The following HRH1 variants were observed in gnomAD, a reference collection of about 807,000 sequenced individuals.
HRH1 encodes histamine H1 receptor.
Under a neutral mutation model 10.3 loss-of-function variants are expected in HRH1, and 6 were observed. The observed-to-expected ratio is 0.58, with a 90% CI of 0.32 to 1.15. HRH1 has a LOEUF of 1.15. Among genes scored for constraint, HRH1 ranks in the 50% most tolerant of loss-of-function variants. HRH1 has a pLI of 0.05. For synonymous variants in HRH1, 242 were observed against 236.7 expected (o/e 1.02, Z -0.21); for missense variants, 514 against 615.3 (o/e 0.84, Z 1.74).
intron 1 of HRH1, among the ~76,000 whole-genome samples, chr3:11,250,890 T>G (rs1046243954): frequency 6.6e-6 from 1 of 152,180 alleles, no homozygotes; most frequent in African/African-American, 2.4e-5. Context: ...CTGCAACTTG[T>G]CTAGCAAGGG....
intron 1 of HRH1, among the ~76,000 whole-genome samples, chr3:11,190,859 T>C (rs1937521095): frequency 6.6e-6 from 1 of 152,080 alleles, no homozygotes; most frequent in Non-Finnish European, 1.5e-5. Flanking sequence ...TCCTGGCCTC[T>C]AAGTGAGACA....
intron 1 of HRH1, among the ~76,000 whole-genome samples, chr3:11,169,885 C>T (rs562470131): frequency 6.6e-6 from 1 of 152,120 alleles, no homozygotes; most frequent in Non-Finnish European, 1.5e-5. Flanking sequence ...CCCTTTTTGA[C>T]ACCTCATCCT....
chr3:11,203,624 G>A (rs751857544), intron 1 of HRH1, among the ~76,000 whole-genome samples: 20 of 152,176 alleles, frequency 1.3e-4, no homozygotes, highest in Non-Finnish European at 2.4e-4. Flanking sequence ...TTTCTCCATT[G>A]TATTGACTTT....
chr3:11,138,702 G>A (rs925289875), intron 1 of HRH1, among the ~76,000 whole-genome samples: 1 of 132,050 alleles, frequency 7.6e-6, no homozygotes, highest in Non-Finnish European at 1.5e-5. Context: ...GTTCATAGCT[G>A]AATTTTTTTT....
At chr3:11,186,241 A>G (rs561405864) in intron 1 of HRH1, among the ~76,000 whole-genome samples, 67 of 152,246 alleles carry the variant, frequency 4.4e-4, no homozygotes, top group African/African-American at 1.5e-3. Context: ...CCTGACCTCT[A>G]GATGTATTGA....
At chr3:11,169,325 C>T (rs531057046) in intron 1 of HRH1, among the ~76,000 whole-genome samples, 19 of 152,286 alleles carry the variant, frequency 1.2e-4, no homozygotes, top group Admixed American at 5.9e-4. Flanking sequence ...GCCTGTGTCT[C>T]GGGCTCCTGC....
intron 1 of HRH1, among the ~76,000 whole-genome samples, chr3:11,176,181 A>AAAAAG (rs796312202): frequency 4.6e-5 from 7 of 151,816 alleles, no homozygotes; most frequent in African/African-American, 1.7e-4. Flanking sequence ...AAAAAAAAAA[A>AAAAAG]AGAGAGAAAT....
intron 1 of HRH1, among the ~76,000 whole-genome samples, chr3:11,172,233 C>A (rs1325405478): frequency 6.6e-6 from 1 of 152,228 alleles, no homozygotes; most frequent in Admixed American, 6.5e-5. Flanking sequence ...ACTCTGCCAG[C>A]GGTGAGGGAG....
At chr3:11,168,731 A>T (rs1406643133) in intron 1 of HRH1, among the ~76,000 whole-genome samples, 3 of 152,218 alleles carry the variant, frequency 2.0e-5, no homozygotes, top group African/African-American at 7.2e-5. Flanking sequence ...TGCTGTGAGG[A>T]ACCCCAGGGC....
At chr3:11,224,744 C>A (rs1332303805) in intron 1 of HRH1, among the ~76,000 whole-genome samples, 1 of 151,910 alleles carries the variant, frequency 6.6e-6, no homozygotes, top group Non-Finnish European at 1.5e-5. Flanking sequence ...TCAGGCAGCC[C>A]TTGCTTTCAA....
Position 11,258,894 on chromosome 3 carries a change from T to C in HRH1, c.-35-109T>C. ...TGGCTATTGAGTAGGTAACCAGCAG[T>C]GTTGATCACCCCCAACAGCATACAA... is the stretch of plus-strand genomic sequence containing the variant. On this transcript the variant is annotated intron_variant, in intron 1 of 1. Transcript: ENST00000431010. 2.8e-6 allele frequency: 2 copies of C among 707,350 alleles called. 1 individual carries two copies. The highest frequency in any genetic ancestry group is 4.0e-5 in the South Asian group (2 of 49,680). 43.8% of individuals were successfully genotyped at this position (707,350 alleles called of 1,614,324 possible). A position where few individuals can be genotyped will look rare whatever the true frequency, so the allele number is the denominator to read the frequency against.
chr3:11,181,618 TC>T (rs1937354507), intron 1 of HRH1, among the ~76,000 whole-genome samples: 1 of 148,888 alleles, frequency 6.7e-6, no homozygotes, highest in Admixed American at 6.6e-5. Flanking sequence ...TCTATTCAGA[TC>T]CCTTGCTCTT....
At chr3:11,254,929 A>C (rs946144302) in intron 1 of HRH1, among the ~76,000 whole-genome samples, 1 of 152,170 alleles carries the variant, frequency 6.6e-6, no homozygotes, top group African/African-American at 2.4e-5. Flanking sequence ...CTGGGGTTGG[A>C]CTTCACAATC....
chr3:11,179,025 T>G (rs112195767), intron 1 of HRH1, among the ~76,000 whole-genome samples: 1 of 152,196 alleles, frequency 6.6e-6, no homozygotes, highest in Admixed American at 6.5e-5. Flanking sequence ...CAGTGACTCA[T>G]GCCTGTAATC....
At chr3:11,148,224 C>T (rs1197669017) in intron 1 of HRH1, among the ~76,000 whole-genome samples, 1 of 151,734 alleles carries the variant, frequency 6.6e-6, no homozygotes, top group East Asian at 1.9e-4. Context: ...CTTCTCAATC[C>T]TGCCCATCTC....
chr3:11,211,317 T>A (rs966566073), intron 1 of HRH1, among the ~76,000 whole-genome samples: 3 of 152,214 alleles, frequency 2.0e-5, no homozygotes, highest in African/African-American at 7.2e-5. Context: ...ACCAGCTTTG[T>A]AATTCATGAG....
intron 1 of HRH1, among the ~76,000 whole-genome samples, chr3:11,251,947 C>T (rs922145034): frequency 2.6e-5 from 4 of 152,288 alleles, no homozygotes; most frequent in Middle Eastern, 3.4e-3. Flanking sequence ...AGGAAGCCTA[C>T]GGGTTGGGAG....
chr3:11,203,008 G>A (rs895417012), intron 1 of HRH1, among the ~76,000 whole-genome samples: 2 of 152,140 alleles, frequency 1.3e-5, no homozygotes, highest in African/African-American at 2.4e-5. Flanking sequence ...CATATAGTAC[G>A]TAGCGTTTTC....
intron 1 of HRH1, among the ~76,000 whole-genome samples, chr3:11,200,759 A>C (rs1048668779): frequency 2.0e-5 from 3 of 152,174 alleles, no homozygotes; most frequent in Admixed American, 6.5e-5. Flanking sequence ...ATTTCCCCTG[A>C]TCATTCCATT....
Sources: gnomAD v4.1 joint callset for allele counts (sites outside exome capture counted in the v4.1 genomes callset) on GRCh38, gnomAD v4.1.1 for gene constraint, MANE v1.5 for transcripts, NCBI Gene and HGNC (gene_info 2026-07-23, HGNC 2026-07-21) for gene names.